APC: variants seen among roughly 807,000 people sequenced by gnomAD.
APC encodes the protein adenomatous polyposis coli protein.
APC carries 72 observed loss-of-function variants against 247.0 expected under a neutral mutation model. The observed-to-expected ratio is 0.29, with a 90% confidence interval of 0.24 to 0.35. The LOEUF is 0.35. APC is among the 10% of genes least tolerant of loss of function. The pLI is 1.00. For synonymous variants in APC, 1,254 were observed against 1,162.5 expected (o/e 1.08, Z -1.60); for missense variants, 3,400 against 3,360.7 (o/e 1.01, Z -0.29).
intron 11 of APC, among the ~76,000 whole-genome samples, chr5:112,825,301 A>G (rs1361030165): frequency 1.3e-5 from 2 of 152,098 alleles, no homozygotes; most frequent in Non-Finnish European, 2.9e-5. Flanking sequence ...TTCTCTTCCC[A>G]TTTCCACTCA....
In APC at chr5:112,759,566, C is replaced by G. The variant is rs528241598; in HGVS notation, c.135+4541C>G. ...AGAGATGGGGTTTCGCCATGTTAGC[C>G]AGGATGTTCTCAATTTCTTGACCTT... On this transcript the variant is annotated intron_variant, in intron 2 of 15. Transcript: ENST00000257430. 6.6e-5 allele frequency among the ~76,000 whole-genome samples: 10 copies of G among 152,024 alleles called. 1 individual carries two copies. The highest frequency in any genetic ancestry group is 5.9e-4 in the Admixed American group (9 of 15,278).
At chr5:112,828,353 T>C (rs1365802566) in intron 13 of APC, among the ~76,000 whole-genome samples, 1 of 151,872 alleles carries the variant, frequency 6.6e-6, no homozygotes, top group African/African-American at 2.4e-5. Context: ...TAGTATCTCA[T>C]GTATAAAAGA....
At chr5:112,802,387 A>G (rs1037912822) in intron 8 of APC, among the ~76,000 whole-genome samples, 2 of 152,168 alleles carry the variant, frequency 1.3e-5, no homozygotes. Flanking sequence ...TGAGTTATGT[A>G]TCTGTCTTTT....
chr5:112,816,435 C>T (rs191353172), intron 9 of APC, among the ~76,000 whole-genome samples: 1 of 152,276 alleles, frequency 6.6e-6, no homozygotes. Flanking sequence ...AGTGAGCTTT[C>T]TTAGAGTATC....
At chr5:112,809,912 G>A (rs566490525) in intron 8 of APC, among the ~76,000 whole-genome samples, 24 of 152,146 alleles carry the variant, frequency 1.6e-4, no homozygotes, top group East Asian at 3.9e-4. Context: ...CAGGAGAATC[G>A]CTTGAACCCA....
chr5:112,794,863 G>A (rs555232550), intron 7 of APC, among the ~76,000 whole-genome samples: 2 of 152,104 alleles, frequency 1.3e-5, no homozygotes, highest in African/African-American at 4.8e-5. Flanking sequence ...CTATACTTAG[G>A]ATTAACAGTT....
chr5:112,751,526 GT>G (rs961586326), intron 1 of APC, among the ~76,000 whole-genome samples: 1 of 151,804 alleles, frequency 6.6e-6, no homozygotes, highest in Non-Finnish European at 1.5e-5. Context: ...TCTCATATAT[GT>G]TTTGGACTCT....
intron 4 of APC, among the ~76,000 whole-genome samples, chr5:112,767,758 G>A (rs1756524457): frequency 6.6e-6 from 1 of 152,032 alleles, no homozygotes; most frequent in African/African-American, 2.4e-5. Flanking sequence ...AGCCACCCAA[G>A]TAGCTGAAAC....
At chr5:112,808,182 T>C (rs964280525) in intron 8 of APC, among the ~76,000 whole-genome samples, 2 of 152,064 alleles carry the variant, frequency 1.3e-5, no homozygotes, top group Non-Finnish European at 2.9e-5. Context: ...AAAAAATAAA[T>C]AACTGCAGTG....
chr5:112,775,390 C>G (rs1757507683), intron 4 of APC, among the ~76,000 whole-genome samples: 1 of 151,914 alleles, frequency 6.6e-6, no homozygotes. Flanking sequence ...TGTAAGTATT[C>G]TTTTAAGGAT....
At chr5:112,791,155 A>AC (rs1384046457) in intron 6 of APC, among the ~76,000 whole-genome samples, 45 of 152,124 alleles carry the variant, frequency 3.0e-4, no homozygotes, top group African/African-American at 1.0e-3. Flanking sequence ...CTAGCTTAAA[A>AC]AACACACACA....
At chr5:112,718,772 T>A (rs1751319614) in intron 1 of APC, among the ~76,000 whole-genome samples, 1 of 152,254 alleles carries the variant, frequency 6.6e-6, no homozygotes, top group Non-Finnish European at 1.5e-5. Flanking sequence ...TTGGTCTGAA[T>A]AACCTGGTCT....
chr5:112,774,464 A>T (rs373005318), intron 4 of APC, among the ~76,000 whole-genome samples: 103 of 121,272 alleles, frequency 8.5e-4, no homozygotes, highest in African/African-American at 2.9e-3. Flanking sequence ...TGCAAGATCG[A>T]TTTTTTTTTT....
At chr5:112,735,755 A>T (rs899192598), upstream of APC, among the ~76,000 whole-genome samples, 4 of 152,142 alleles carry the variant, frequency 2.6e-5, no homozygotes, top group Non-Finnish European at 5.9e-5. Context: ...AATATTACTG[A>T]GTAATTGGCA....
intron 8 of APC, among the ~76,000 whole-genome samples, chr5:112,806,151 C>T (rs1311932873): frequency 3.3e-5 from 5 of 152,296 alleles, no homozygotes; most frequent in Middle Eastern, 3.4e-3. Flanking sequence ...AGCTTAAGCA[C>T]CAGTTTCTCA....
intron 2 of APC, among the ~76,000 whole-genome samples, chr5:112,765,169 A>G (rs1756137102): frequency 6.6e-6 from 1 of 152,100 alleles, no homozygotes; most frequent in Admixed American, 6.5e-5. Flanking sequence ...CAGTGGTGAG[A>G]CTGTGGCTCA....
At chr5:112,724,137 G>T (rs1478328858) in intron 1 of APC, among the ~76,000 whole-genome samples, 2 of 152,008 alleles carry the variant, frequency 1.3e-5, no homozygotes, top group African/African-American at 2.4e-5. Context: ...AAGTGAGCAG[G>T]CTATCCTATG....
rs752399791 is a variant in APC, at chr5:112,842,358, C to T, written c.6764C>T (p.Thr2255Ile). The T allele has an allele frequency of 1.2e-6, 2 of 1,614,014 alleles. No homozygotes were observed. The highest frequency in any genetic ancestry group is 1.7e-6 in the Non-Finnish European group (2 of 1,179,920). ...TCTAAAAAAGGCCCACCCCTTAAGA[C>T]TCCAGCCTCCAAAAGCCCTAGTGAA... is the stretch of plus-strand genomic sequence containing the variant. ...PVSKKGPPLK[T>I]PASKSPSEGQ... The change falls in exon 16 of 16, where the codon ACT becomes ATT. Residue 2255 changes from threonine (T) to isoleucine (I), a missense_variant. By Grantham distance (89) the Thr-to-Ile change is moderately conservative. This residue lies in a region of APC where 1,788 missense variants were observed against 1,649.5 expected (regional missense o/e 1.08). Transcript: ENST00000257430.
intron 9 of APC, among the ~76,000 whole-genome samples, chr5:112,816,905 G>T (rs1279474884): frequency 6.6e-6 from 1 of 151,558 alleles, no homozygotes; most frequent in East Asian, 1.9e-4. Context: ...GTCTTGCTCT[G>T]TTGCCCAGGC....
Sources: allele counts gnomAD v4.1 joint callset (sites outside exome capture counted in the v4.1 genomes callset), GRCh38; gene constraint gnomAD v4.1.1; regional missense constraint gnomAD v4.1.1; transcripts MANE v1.5; gene names NCBI Gene and HGNC (gene_info 2026-07-23, HGNC 2026-07-21).